TMEM161A: variants seen among roughly 807,000 people sequenced by gnomAD.
TMEM161A encodes the protein adaptive response to oxidative stress protein 29.
In TMEM161A, 46 loss-of-function variants were observed where a neutral mutation model predicts 57.1. The observed-to-expected ratio is 0.81, with a 90% CI of 0.64 to 1.03. The LOEUF (loss-of-function observed/expected upper bound fraction) is 1.03. Among genes scored for constraint, TMEM161A ranks in the 50% least tolerant of loss-of-function variants. The pLI is 0.00. For synonymous variants in TMEM161A, 288 were observed against 279.0 expected, an observed-to-expected ratio of 1.03 and a Z score of -0.32; for missense variants, 601 against 621.5, an observed-to-expected ratio of 0.97 and a Z score of 0.35.
chr19:19,132,203 G>T lies in TMEM161A; in HGVS notation c.443+149C>A. ...CCCAGTCTGTCCACCCACAGAGCTG[G>T]AGCACATAAAATGTCTGCTTCATGT... On this transcript the variant is annotated intron_variant, in intron 5 of 11. Transcript: ENST00000162044. This position sits in a 1 kb window ranked among gnomAD's most constrained non-coding sequence, Gnocchi z 4.3. 1.1e-6 allele frequency: 1 copy of T among 893,330 alleles called. No homozygotes were observed. Among genetic ancestry groups the T allele is most frequent in the East Asian group, 2.6e-5 (1 of 38,200 alleles). 55.3% of individuals were successfully genotyped at this position (893,330 alleles called of 1,614,324 possible). A position where few individuals can be genotyped will look rare whatever the true frequency, so the allele number is the denominator to read the frequency against.
At chr19:19,124,356 A>C (rs994656595) in intron 6 of TMEM161A, among the ~76,000 whole-genome samples, 1 of 152,222 alleles carries the variant, frequency 6.6e-6, no homozygotes, top group Non-Finnish European at 1.5e-5. Context: ...CAATTAGAAC[A>C]TGTGAAAAAA....
At chr19:19,120,930 G>C in intron 10 of TMEM161A, 62 bp downstream of exon 10, 1 of 1,610,830 alleles carries the variant, frequency 6.2e-7, no homozygotes, top group Non-Finnish European at 8.5e-7. Context: ...ACGCCCAAAG[G>C]ACCAGGAACC....
chr19:19,134,703 TGC>T, intron 2 of TMEM161A, 79 bp downstream of exon 2: 1 of 1,065,226 alleles, frequency 9.4e-7, no homozygotes, highest in Non-Finnish European at 1.4e-6. Context: ...ATCAAGGCTT[TGC>T]AATTTGTGAG....
intron 11 of TMEM161A, among the ~76,000 whole-genome samples, chr19:19,120,527 C>T (rs972427617): frequency 3.3e-5 from 5 of 151,984 alleles, no homozygotes; most frequent in African/African-American, 7.3e-5. Flanking sequence ...CAGTCCCCGC[C>T]CCCTACCCAG....
intron 6 of TMEM161A, among the ~76,000 whole-genome samples, chr19:19,125,049 T>C (rs970266064): frequency 6.6e-6 from 1 of 151,836 alleles, no homozygotes; most frequent in Non-Finnish European, 1.5e-5. Context: ...GCTATAAAAT[T>C]AGAAAAGATT....
intron 6 of TMEM161A, among the ~76,000 whole-genome samples, chr19:19,123,075 G>A (rs1471863338): frequency 1.3e-5 from 2 of 152,162 alleles, no homozygotes; most frequent in African/African-American, 4.8e-5. Context: ...AGCACATTAG[G>A]AACAGCCAAA....
At chr19:19,136,328 T>C (rs1366842193) in intron 1 of TMEM161A, among the ~76,000 whole-genome samples, 1 of 152,114 alleles carries the variant, frequency 6.6e-6, no homozygotes, top group African/African-American at 2.4e-5. Context: ...AAAACCCTAA[T>C]GTGATGGGTA....
chr19:19,132,321 C>T lies in TMEM161A; in HGVS notation c.443+31G>A, dbSNP rs946244465. On this transcript the variant is annotated intron_variant, in intron 5 of 11. Coordinates refer to ENST00000162044, the MANE Select transcript of TMEM161A (RefSeq NM_017814.3). The surrounding 1 kb of genome is among the most constrained non-coding windows in gnomAD (Gnocchi z 4.3). ...AAGCTCAGGTCCTGCTCCCACCCGC[C>T]CCACTGGCAGGGAGCAGAGAGGAAG... 3 of 1,594,662 alleles carry T rather than the reference C, an allele frequency of 1.9e-6. No individual in the cohort carries two copies. The highest frequency in any genetic ancestry group is 2.2e-5 in the East Asian group (1 of 44,746).
intron 6 of TMEM161A, among the ~76,000 whole-genome samples, chr19:19,123,370 G>A (rs977308268): frequency 1.3e-5 from 2 of 152,218 alleles, no homozygotes; most frequent in African/African-American, 4.8e-5. Context: ...ATAATGGAGT[G>A]AAACTGCAGA....
intron 6 of TMEM161A, among the ~76,000 whole-genome samples, chr19:19,123,186 G>C (rs2059918200): frequency 6.6e-6 from 1 of 152,144 alleles, no homozygotes; most frequent in Non-Finnish European, 1.5e-5. Context: ...TAAGAGATAA[G>C]GAAGACAGAA....
In TMEM161A at chr19:19,119,820, G is replaced by T; in HGVS notation, c.*110C>A. On this transcript the variant is annotated 3_prime_UTR_variant, in exon 12 of 12. Transcript: ENST00000162044. ...ACTGTGGTGAAGGGAACGCCGGGGA[G>T]TCCGGCCCCACCTTGCAGCTGGGGA... 7.2e-7 allele frequency: 1 copy of T among 1,383,338 alleles called. No individual in the cohort carries two copies. The highest frequency in any genetic ancestry group is 9.7e-7 in the Non-Finnish European group (1 of 1,027,834). The allele number at this position is 1,383,338 out of a possible 1,614,324, so 85.7% of individuals were successfully genotyped here.
At position 19,121,418 on chromosome 19, in the gene TMEM161A, G is replaced by C; in HGVS notation, c.804C>G (p.Phe268Leu). 6.2e-7 allele frequency: 1 copy of C among 1,613,862 alleles called. No homozygotes were observed. The highest frequency in any genetic ancestry group is 8.5e-7 in the Non-Finnish European group (1 of 1,179,820). Residue 268 changes from phenylalanine (F) to leucine (L), a missense_variant, in exon 9 of 12, where the codon TTC becomes TTG. Physicochemically the swap from Phe to Leu is conservative, Grantham distance 22. Coordinates refer to ENST00000162044, the MANE Select transcript of TMEM161A (RefSeq NM_017814.3). The surrounding 1 kb of genome is among the most constrained non-coding windows in gnomAD (Gnocchi z 5.8). The part of the protein sequence containing the change: ...TMSEDRPMLQ[F>L]LLHTSFLSPL... ...GAGACAGGAAGCTGGTGTGCAGGAGGAACCTGGGGGGTGAGGGCAGGAGGG... is the reference window on the plus strand; with the variant it reads ...GAGACAGGAAGCTGGTGTGCAGGAGCAACCTGGGGGGTGAGGGCAGGAGGG...
intron 1 of TMEM161A, among the ~76,000 whole-genome samples, chr19:19,135,385 C>T (rs34200245): frequency 2.1e-3 from 319 of 152,180 alleles, no homozygotes; most frequent in Non-Finnish European, 2.4e-3. Context: ...CACCTGGTAG[C>T]TCCTTCCCCT....
intron 6 of TMEM161A, among the ~76,000 whole-genome samples, chr19:19,128,003 A>C (rs187819958): frequency 6.6e-6 from 1 of 152,264 alleles, no homozygotes; most frequent in East Asian, 1.9e-4. Context: ...ACATTGTGCT[A>C]ACTGAAATGA....
rs1817362072 is a variant in TMEM161A, at chr19:19,120,873, T to C, written c.1090-12A>G. On this transcript the variant is annotated splice_polypyrimidine_tract_variant and intron_variant, in intron 10 of 11. Transcript: ENST00000162044. ...TAGACTCGGACCACCTGTGGGCAGGTAGCAGGGGTGGCTGCAGCAGGAGGC... is the reference window on the plus strand; with the variant it reads ...TAGACTCGGACCACCTGTGGGCAGGCAGCAGGGGTGGCTGCAGCAGGAGGC... 6.2e-7 allele frequency: 1 copy of C among 1,612,988 alleles called. No individual in the cohort carries two copies.
At chr19:19,124,661 A>C (rs1415429470) in intron 6 of TMEM161A, among the ~76,000 whole-genome samples, 1 of 152,128 alleles carries the variant, frequency 6.6e-6, no homozygotes, top group Non-Finnish European at 1.5e-5. Flanking sequence ...ATCAGTCAAA[A>C]CTTGGGTAAA....
rs775107894 is a variant in TMEM161A, at chr19:19,130,190, C to T, written c.561G>A (p.Val187=). Residue 187 remains valine (V), a synonymous_variant, in exon 6 of 12, where the codon GTG becomes GTA. Transcript: ENST00000162044. The part of the protein sequence containing the change: ...FLLLAMLVQV[V]REETLELGLE... Reference sequence around the variant, plus strand: ...GGCCCAGCTCGAGGGTCTCCTCCCGCACCACTTGCACCAGCATGGCCAGCA... The same window carrying T: ...GGCCCAGCTCGAGGGTCTCCTCCCGTACCACTTGCACCAGCATGGCCAGCA... The T allele has an allele frequency of 1.4e-5, 22 of 1,613,862 alleles. No homozygotes were observed. In the East Asian group the frequency reaches 2.2e-4, roughly 16 times the overall value.
intron 1 of TMEM161A, among the ~76,000 whole-genome samples, chr19:19,135,509 T>G (rs886967597): frequency 6.6e-6 from 1 of 152,302 alleles, no homozygotes; most frequent in South Asian, 2.1e-4. Flanking sequence ...CCTCCTGTTT[T>G]GGTGTGAAGA....
intron 1 of TMEM161A, 175 bp from the exon 2 acceptor site, chr19:19,135,062 T>C: frequency 1.8e-6 from 1 of 559,476 alleles, no homozygotes; most frequent in Non-Finnish European, 3.2e-6. Flanking sequence ...TCACCTAGCA[T>C]GGCCCTGCCC....
Sources: gnomAD v4.1 joint callset for allele counts (sites outside exome capture counted in the v4.1 genomes callset) on GRCh38, gnomAD v4.1.1 for gene constraint, Gnocchi (gnomAD v3.1) non-coding constraint, MANE v1.5 for transcripts, NCBI Gene and HGNC (gene_info 2026-07-23, HGNC 2026-07-21) for gene names.